Variants in MACROD2 observed in about 807,000 individuals in gnomAD.
MACROD2 encodes the protein mono-ADP ribosylhydrolase 2.
In MACROD2, 36 loss-of-function variants were observed where a neutral mutation model predicts 70.4. The ratio of observed to expected loss-of-function variants is 0.51; its 90% CI spans 0.39 to 0.68. The LOEUF is 0.68. Ranked by LOEUF, MACROD2 falls within the 30% of genes least tolerant of loss-of-function variation. The pLI is 0.00. For missense variants in MACROD2, 496 were observed against 538.4 expected (o/e 0.92, Z 0.78); for synonymous variants, 172 against 178.8 (o/e 0.96, Z 0.30).
intron 6 of MACROD2, among the ~76,000 whole-genome samples, chr20:15,327,070 A>G (rs2077938059): frequency 6.6e-6 from 1 of 152,328 alleles, no homozygotes; most frequent in African/African-American, 2.4e-5. Context: ...AGAAGCCTTC[A>G]TAAGGAAATG....
intron 3 of MACROD2, among the ~76,000 whole-genome samples, chr20:14,404,497 C>CAT (rs1568597295): frequency 6.6e-6 from 1 of 151,900 alleles, no homozygotes; most frequent in East Asian, 1.9e-4. Context: ...CATGCTGACA[C>CAT]GGGTGCCTGT....
At chr20:14,087,681 C>G (rs571421293) in intron 3 of MACROD2, among the ~76,000 whole-genome samples, 5 of 152,194 alleles carry the variant, frequency 3.3e-5, no homozygotes, top group African/African-American at 9.6e-5. Context: ...CCCTGGGTAT[C>G]AAGATGCTTT....
intron 4 of MACROD2, among the ~76,000 whole-genome samples, chr20:14,552,316 A>C (rs1489631509): frequency 2.3e-5 from 2 of 86,780 alleles, no homozygotes; most frequent in African/African-American, 9.5e-5. Flanking sequence ...TCATATCTCT[A>C]TGTGGGGGTG....
chr20:15,327,431 T>C (rs1231460171), intron 6 of MACROD2, among the ~76,000 whole-genome samples: 1 of 152,070 alleles, frequency 6.6e-6, no homozygotes, highest in African/African-American at 2.4e-5. Context: ...TTTAACTGAT[T>C]TACAGTTTGG....
At chr20:16,025,694 T>C (rs1237741075) in intron 15 of MACROD2, among the ~76,000 whole-genome samples, 2 of 152,208 alleles carry the variant, frequency 1.3e-5, no homozygotes, top group Admixed American at 1.3e-4. Flanking sequence ...CCAGGCCCTC[T>C]GGTGCTCAAG....
intron 5 of MACROD2, among the ~76,000 whole-genome samples, chr20:15,218,846 C>A (rs767489617): frequency 3.7e-4 from 54 of 146,630 alleles, no homozygotes; most frequent in Non-Finnish European, 6.3e-4. Flanking sequence ...GAGATCAACA[C>A]CATCCTGGCT....
At chr20:15,453,713 A>G (rs977220750) in intron 7 of MACROD2, among the ~76,000 whole-genome samples, 1 of 152,168 alleles carries the variant, frequency 6.6e-6, no homozygotes, top group African/African-American at 2.4e-5. Flanking sequence ...GAGGTGTCTG[A>G]AAACAGTCCT....
intron 3 of MACROD2, among the ~76,000 whole-genome samples, chr20:14,474,340 T>G (rs2084565029): frequency 6.6e-6 from 1 of 152,210 alleles, no homozygotes; most frequent in Non-Finnish European, 1.5e-5. Flanking sequence ...GAAATGTTAT[T>G]TGATACAATT....
chr20:15,629,177 C>G (rs969194655), intron 8 of MACROD2, among the ~76,000 whole-genome samples: 4 of 152,146 alleles, frequency 2.6e-5, no homozygotes. Context: ...CTTCTGTTAG[C>G]TTTAACTATT....
intron 5 of MACROD2, among the ~76,000 whole-genome samples, chr20:14,768,075 T>G (rs1352543983): frequency 6.6e-6 from 1 of 152,132 alleles, no homozygotes; most frequent in Non-Finnish European, 1.5e-5. Context: ...TCTTTGCTAT[T>G]GTGAATACTG....
chr20:14,064,072 C>T (rs763685385), intron 2 of MACROD2, among the ~76,000 whole-genome samples: 29 of 152,182 alleles, frequency 1.9e-4, no homozygotes, highest in Non-Finnish European at 3.7e-4. Context: ...GTAATTAATA[C>T]ATGAAATAGG....
chr20:14,155,323 TA>T (rs2055086461), intron 3 of MACROD2, among the ~76,000 whole-genome samples: 1 of 152,204 alleles, frequency 6.6e-6, no homozygotes, highest in African/African-American at 2.4e-5. Flanking sequence ...AAAAATCAGT[TA>T]AAAATTTCTT....
At position 14,611,452 on chromosome 20, in the gene MACROD2, GTT is replaced by G. The variant is rs11473891; in HGVS notation, c.302-73372_302-73371del. On this transcript the variant is annotated intron_variant, in intron 4 of 17. Coordinates refer to ENST00000684519, the MANE Select transcript of MACROD2 (RefSeq NM_001351661.2). ...GTTCAGAGATCAGCAATGCCCTGAG[GTT>G]TTTTTTTTTTTTTTTTTTGGCGGGG... 5.3e-4 allele frequency among the ~76,000 whole-genome samples: 60 copies of G among 113,324 alleles called. 1 individual carries two copies. The highest frequency in any genetic ancestry group is 4.6e-3 in the Middle Eastern group (1 of 216). 74.3% of individuals were successfully genotyped at this position (113,324 alleles called of 152,430 possible). A position where few individuals can be genotyped will look rare whatever the true frequency, so the allele number is the denominator to read the frequency against.
chr20:15,054,691 A>G (rs541169367), intron 5 of MACROD2, among the ~76,000 whole-genome samples: 28 of 152,296 alleles, frequency 1.8e-4, no homozygotes, highest in Admixed American at 1.7e-3. Context: ...GGTGCTCAGT[A>G]ACAGCACTCC....
At chr20:14,966,195 GATT>G (rs1301987199) in intron 5 of MACROD2, among the ~76,000 whole-genome samples, 1 of 152,124 alleles carries the variant, frequency 6.6e-6, no homozygotes, top group Non-Finnish European at 1.5e-5. Flanking sequence ...TTTGACGATG[GATT>G]ATGTTTTTTC....
rs556741994 is a variant in MACROD2, at chr20:14,798,463, C to A, written c.418+113504C>A. On this transcript the variant is annotated intron_variant, in intron 5 of 17. Coordinates refer to ENST00000684519, the MANE Select transcript of MACROD2 (RefSeq NM_001351661.2). ...GTCTCTGCCAGAAAAAAGTATTCAT[C>A]ATGTGTGTAACATGGTATGATTGGC... Among the ~76,000 whole-genome samples the A allele has an allele frequency of 4.0e-4, 61 of 152,154 alleles. No homozygotes were observed. In the Middle Eastern group the frequency reaches 0.01, roughly 25 times the overall value.
At chr20:14,255,806 A>G (rs2082051847) in intron 3 of MACROD2, among the ~76,000 whole-genome samples, 1 of 152,006 alleles carries the variant, frequency 6.6e-6, no homozygotes, top group Non-Finnish European at 1.5e-5. Flanking sequence ...TGAAAGTAAT[A>G]TGTCTCTGAA....
At chr20:14,389,962 C>T (rs1447449218) in intron 3 of MACROD2, among the ~76,000 whole-genome samples, 1 of 152,194 alleles carries the variant, frequency 6.6e-6, no homozygotes, top group African/African-American at 2.4e-5. Flanking sequence ...TAAACTATCC[C>T]TGTTTGCAGA....
chr20:15,559,132 C>G (rs2048207121), intron 8 of MACROD2, among the ~76,000 whole-genome samples: 1 of 145,526 alleles, frequency 6.9e-6, no homozygotes, highest in African/African-American at 2.6e-5. Context: ...GAGGCTGAGG[C>G]AGGAGAATGG....
Sources: gnomAD v4.1 joint callset for allele counts (sites outside exome capture counted in the v4.1 genomes callset) on GRCh38, gnomAD v4.1.1 for gene constraint, MANE v1.5 for transcripts, NCBI Gene and HGNC (gene_info 2026-07-23, HGNC 2026-07-21) for gene names.